The following ATP9A variants were observed in gnomAD, a reference collection of about 807,000 sequenced individuals.
The protein encoded by ATP9A is ATPase phospholipid transporting 9A.
In ATP9A, 52 loss-of-function variants were observed where a neutral mutation model predicts 144.1. The observed-to-expected ratio is 0.36, with a 90% CI of 0.29 to 0.45. The LOEUF is 0.45. Among genes scored for constraint, ATP9A ranks in the 20% least tolerant of loss-of-function variants. ATP9A has a pLI of 1.00. For missense variants in ATP9A, 947 were observed against 1,392.7 expected (o/e 0.68, Z 5.09); for synonymous variants, 582 against 557.4 (o/e 1.04, Z -0.62).
At chr20:51,662,782 A>G (rs1393551871) in intron 13 of ATP9A, among the ~76,000 whole-genome samples, 1 of 151,584 alleles carries the variant, frequency 6.6e-6, no homozygotes, top group African/African-American at 2.4e-5. Context: ...ATTTTTTAAA[A>G]TATACACGCC....
At position 51,604,974 on chromosome 20, in the gene ATP9A, G is replaced by A. The variant is rs371344967; in HGVS notation, c.2850C>T (p.Phe950=). 157 of 1,612,914 alleles carry A rather than the reference G, an allele frequency of 9.7e-5. 1 individual carries two copies. The highest frequency in any genetic ancestry group is 5.0e-4 in the Middle Eastern group (3 of 5,986). The stretch of plus-strand genomic sequence containing the variant: ...TGAAGGAGATGGCCACGATGTGCAC[G>A]AACTCCGACTCAAACAGCAGCAGCG... The part of the protein sequence containing the change: ...YGALLLFESE[F]VHIVAISFTS... The change falls in exon 27 of 28, where the codon TTC becomes TTT. Residue 950 remains phenylalanine (F), a synonymous_variant. Transcript: ENST00000338821.
chr20:51,748,193 C>T (rs1486018901), intron 1 of ATP9A, among the ~76,000 whole-genome samples: 2 of 152,128 alleles, frequency 1.3e-5, no homozygotes, highest in African/African-American at 4.8e-5. Flanking sequence ...GCCTGTAATC[C>T]CAACACTTTG....
chr20:51,602,067 C>A (rs147682567), intron 27 of ATP9A, among the ~76,000 whole-genome samples: 2,088 of 152,162 alleles, frequency 0.014, 21 homozygotes, highest in Non-Finnish European at 0.021. Context: ...CAGTGATGGT[C>A]GCAGAAAGCC....
chr20:51,711,019 AG>A (rs1337748030), intron 4 of ATP9A, among the ~76,000 whole-genome samples: 1 of 152,150 alleles, frequency 6.6e-6, no homozygotes, highest in Admixed American at 6.5e-5. Flanking sequence ...TATGTTATTA[AG>A]GGAGGATTTA....
chr20:51,617,266 T>C (rs1175265177), intron 22 of ATP9A, among the ~76,000 whole-genome samples: 1 of 151,250 alleles, frequency 6.6e-6, no homozygotes, highest in East Asian at 1.9e-4. Context: ...TTTCTTTTTT[T>C]AAATTCAGGT....
Position 51,618,927 on chromosome 20 carries a change from C to A in ATP9A, c.2205+27G>T, listed in dbSNP as rs45573532. On this transcript the variant is annotated intron_variant, in intron 20 of 27. Coordinates refer to ENST00000338821, the MANE Select transcript of ATP9A (RefSeq NM_006045.3). ...GGTAAGACCCAGGCTGCTGGGAGGA[C>A]TGGCTCTCAGGGGTCCCCAAGCTCA... The A allele has an allele frequency of 6.1e-3, 9,793 of 1,612,296 alleles. 36 individuals are homozygous for A. The highest frequency in any genetic ancestry group is 7.2e-3 in the Non-Finnish European group (8,469 of 1,178,544).
At chr20:51,668,484 G>C (rs746658318) in intron 13 of ATP9A, among the ~76,000 whole-genome samples, 1 of 152,058 alleles carries the variant, frequency 6.6e-6, no homozygotes, top group African/African-American at 2.4e-5. Flanking sequence ...TCCACAGAGC[G>C]ATGGAAGCAG....
chr20:51,615,446 TG>T (rs981220015), intron 22 of ATP9A, among the ~76,000 whole-genome samples: 6 of 152,150 alleles, frequency 3.9e-5, no homozygotes, highest in Non-Finnish European at 7.4e-5. Context: ...AAATGTACAG[TG>T]TGTTTTCAAT....
chr20:51,637,994 T>C (rs2077300024), intron 15 of ATP9A, among the ~76,000 whole-genome samples: 1 of 145,932 alleles, frequency 6.9e-6, no homozygotes, highest in Non-Finnish European at 1.5e-5. Flanking sequence ...ACTTAGATAA[T>C]AGTCCCCAAT....
chr20:51,604,604 C>T (rs944554969), intron 27 of ATP9A, among the ~76,000 whole-genome samples: 3 of 152,180 alleles, frequency 2.0e-5, no homozygotes, highest in African/African-American at 7.2e-5. Context: ...TGCAATCACG[C>T]CCTCTGTCCT....
In ATP9A at chr20:51,728,589, T is replaced by C. The variant is rs189707282; in HGVS notation, c.213+1245A>G. On this transcript the variant is annotated intron_variant, in intron 2 of 27. Coordinates refer to ENST00000338821, the MANE Select transcript of ATP9A (RefSeq NM_006045.3). Reference sequence around the variant, plus strand: ...GTTGCAGTGAGCCAAGATGGCTCACTGTGCTCCAGCCTGGGCGACAGAGCG... The same window carrying C: ...GTTGCAGTGAGCCAAGATGGCTCACCGTGCTCCAGCCTGGGCGACAGAGCG... Among the ~76,000 whole-genome samples, 1,370 of 148,892 alleles carry C rather than the reference T, an allele frequency of 9.2e-3. 17 individuals carry two copies. The highest frequency in any genetic ancestry group is 0.032 in the African/African-American group (1,289 of 40,262).
intron 11 of ATP9A, among the ~76,000 whole-genome samples, chr20:51,673,255 T>C (rs1216558353): frequency 6.6e-6 from 1 of 152,064 alleles, no homozygotes; most frequent in Non-Finnish European, 1.5e-5. Context: ...GAGCCTATAA[T>C]TCCAGCTACT....
At chr20:51,681,165 T>C (rs989246747) in intron 9 of ATP9A, among the ~76,000 whole-genome samples, 2 of 152,198 alleles carry the variant, frequency 1.3e-5, no homozygotes, top group African/African-American at 4.8e-5. Context: ...CCTCATCCCA[T>C]TAAATGTCCT....
intron 27 of ATP9A, among the ~76,000 whole-genome samples, chr20:51,602,075 G>A (rs988682050): frequency 6.6e-6 from 1 of 152,076 alleles, no homozygotes. Flanking sequence ...GTCGCAGAAA[G>A]CCACAGGATG....
intron 5 of ATP9A, 45 bp downstream of exon 5, chr20:51,697,379 A>G: frequency 6.4e-7 from 1 of 1,570,584 alleles, no homozygotes; most frequent in Non-Finnish European, 8.7e-7. Context: ...ACACATTAGG[A>G]CCCATGAAGT....
intron 4 of ATP9A, among the ~76,000 whole-genome samples, chr20:51,710,756 T>C (rs75124913): frequency 2.1e-3 from 326 of 152,290 alleles, no homozygotes; most frequent in African/African-American, 7.6e-3. Context: ...CATCTGCCAA[T>C]TCTCCTTAGG....
intron 14 of ATP9A, among the ~76,000 whole-genome samples, chr20:51,647,441 C>T (rs2077346481): frequency 6.6e-6 from 1 of 151,766 alleles, no homozygotes; most frequent in Admixed American, 6.5e-5. Flanking sequence ...ATCCCAGCTA[C>T]TCGGGAGGCT....
chr20:51,762,528 G>A (rs1011585807), intron 1 of ATP9A, among the ~76,000 whole-genome samples: 3 of 151,146 alleles, frequency 2.0e-5, no homozygotes, highest in Non-Finnish European at 2.9e-5. Context: ...GCGTGGCGGC[G>A]GGAGCCTGTA....
At chr20:51,719,134 A>G (rs2077677063) in intron 3 of ATP9A, among the ~76,000 whole-genome samples, 1 of 151,794 alleles carries the variant, frequency 6.6e-6, no homozygotes, top group African/African-American at 2.4e-5. Context: ...TCTCAAAAAA[A>G]AAAAAGAGAG....
Sources: allele counts gnomAD v4.1 joint callset (sites outside exome capture counted in the v4.1 genomes callset), GRCh38; gene constraint gnomAD v4.1.1; transcripts MANE v1.5; gene names NCBI Gene and HGNC (gene_info 2026-07-23, HGNC 2026-07-21).